DNAH8: variants seen among roughly 807,000 people sequenced by gnomAD.
DNAH8 encodes the protein dynein axonemal heavy chain 8.
In DNAH8, 382 loss-of-function variants were observed where a neutral mutation model predicts 562.1. The observed-to-expected ratio is 0.68, with a 90% confidence interval of 0.63 to 0.74. The LOEUF (loss-of-function observed/expected upper bound fraction) is 0.74. Ranked by LOEUF, DNAH8 falls within the 30% of genes least tolerant of loss-of-function variation. The pLI, the probability that DNAH8 is intolerant of heterozygous loss-of-function variation, is 0.00. For synonymous variants in DNAH8, 1,881 were observed against 1,919.4 expected, an observed-to-expected ratio of 0.98 and a Z score of 0.52; for missense variants, 5,203 against 5,620.4, an observed-to-expected ratio of 0.93 and a Z score of 2.37.
intron 8 of DNAH8, among the ~76,000 whole-genome samples, chr6:38,748,575 T>C (rs1765152545): frequency 1.3e-5 from 2 of 152,014 alleles, no homozygotes; most frequent in African/African-American, 2.4e-5. Context: ...CACTTGATTT[T>C]ATCATCCCTA....
At chr6:38,958,922 T>A (rs1455843629) in intron 82 of DNAH8, among the ~76,000 whole-genome samples, 1 of 152,044 alleles carries the variant, frequency 6.6e-6, no homozygotes, top group Non-Finnish European at 1.5e-5. Flanking sequence ...AATCAAACAG[T>A]GCTCCGAAAG....
chr6:38,907,560 G>T (rs1780573414), intron 63 of DNAH8, among the ~76,000 whole-genome samples: 1 of 152,070 alleles, frequency 6.6e-6, no homozygotes, highest in African/African-American at 2.4e-5. Flanking sequence ...GATTAGGCCT[G>T]CTGTGTTAAC....
intron 53 of DNAH8, among the ~76,000 whole-genome samples, chr6:38,878,354 T>C (rs1778187314): frequency 2.0e-5 from 3 of 152,190 alleles, no homozygotes; most frequent in Admixed American, 1.3e-4. Context: ...TACAGCACTT[T>C]ATGTCTTTAC....
chr6:38,963,711 T>C, intron 82 of DNAH8, among the ~76,000 whole-genome samples: 1 of 91,918 alleles, frequency 1.1e-5, no homozygotes, highest in Non-Finnish European at 2.1e-5. Flanking sequence ...TAAATTTATT[T>C]TTTTATTGAT....
chr6:38,835,062 T>G (rs1194434596), intron 32 of DNAH8, among the ~76,000 whole-genome samples: 1 of 152,208 alleles, frequency 6.6e-6, no homozygotes, highest in African/African-American at 2.4e-5. Flanking sequence ...CTCCTCTGCC[T>G]GTACAATACT....
intron 43 of DNAH8, among the ~76,000 whole-genome samples, chr6:38,860,980 A>T (rs1037539186): frequency 2.0e-5 from 3 of 152,124 alleles, no homozygotes; most frequent in African/African-American, 7.2e-5. Flanking sequence ...TTTTTTTCAG[A>T]TGTGGAAATT....
rs1481491362 is a variant in DNAH8, at chr6:38,883,335, C to A, written c.8015C>A (p.Thr2672Lys). 3.7e-6 allele frequency: 6 copies of A among 1,609,340 alleles called. No homozygotes were observed. The highest frequency in any genetic ancestry group is 4.2e-6 in the Non-Finnish European group (5 of 1,178,082). The change falls in exon 55 of 93, where the codon ACA becomes AAA. Residue 2672 changes from threonine to lysine, a missense_variant. Around this residue, in one of 6 missense-constraint regions of DNAH8, gnomAD observed 977 missense variants for 1,061.8 expected, o/e 0.92. Coordinates refer to ENST00000327475, the MANE Select transcript of DNAH8 (RefSeq NM_001206927.2). ...CTATGATTGCAGGCTGTTTTGCTCACAGGAGAGCAGGGAACTGCAAAAACT... is the reference window on the plus strand; with the variant it reads ...CTATGATTGCAGGCTGTTTTGCTCAAAGGAGAGCAGGGAACTGCAAAAACT... The part of the protein sequence containing the change: ...IAKQHKAVLL[T>K]GEQGTAKTVM...
intron 41 of DNAH8, among the ~76,000 whole-genome samples, chr6:38,856,610 C>A (rs1213832497): frequency 6.6e-6 from 1 of 152,142 alleles, no homozygotes; most frequent in East Asian, 1.9e-4. Flanking sequence ...TCCCATTGCT[C>A]ACTTCAGCCA....
intron 8 of DNAH8, among the ~76,000 whole-genome samples, chr6:38,747,231 G>A (rs1282304537): frequency 1.3e-5 from 2 of 152,144 alleles, no homozygotes; most frequent in Non-Finnish European, 2.9e-5. Context: ...ATATAGAACA[G>A]TGAGAGATTA....
intron 41 of DNAH8, among the ~76,000 whole-genome samples, chr6:38,855,728 C>T (rs1180533719): frequency 6.6e-6 from 1 of 152,038 alleles, no homozygotes; most frequent in African/African-American, 2.4e-5. Context: ...AACAAGGGTC[C>T]CCAACCACCC....
chr6:38,759,223 C>G (rs1052389025), intron 10 of DNAH8, among the ~76,000 whole-genome samples: 20 of 151,956 alleles, frequency 1.3e-4, no homozygotes, highest in African/African-American at 4.6e-4. Flanking sequence ...CAGGAGGATC[C>G]CTTGAGCCTG....
Position 38,921,379 on chromosome 6 carries a change from C to G in DNAH8, c.10535C>G (p.Ala3512Gly). 6.2e-7 allele frequency: 1 copy of G among 1,613,136 alleles called. No homozygotes were observed. Among genetic ancestry groups the G allele is most frequent in the Admixed American group, 1.7e-5 (1 of 59,876 alleles). The change falls in exon 71 of 93, where the codon GCC becomes GGC. Residue 3512 changes from alanine to glycine, a missense_variant. Around this residue, in one of 6 missense-constraint regions of DNAH8, gnomAD observed 1,399 missense variants for 1,518.4 expected, o/e 0.92. Coordinates refer to ENST00000327475, the MANE Select transcript of DNAH8 (RefSeq NM_001206927.2). Reference protein sequence around the residue: ...REVLPLKANLAKQEGRLAVAN... With the variant: ...REVLPLKANLGKQEGRLAVAN... ...TCTTCTTCTTTTCAGGCCAACCTGG[C>G]CAAGCAGGAAGGCCGGTTAGCAGTT...
intron 20 of DNAH8, 98 bp from the exon 21 acceptor site, chr6:38,791,457 G>A (rs946106337): frequency 7.3e-7 from 1 of 1,363,902 alleles, no homozygotes; most frequent in South Asian, 1.6e-5. Flanking sequence ...TCTAGACTTA[G>A]CCTTCTAAAT....
At chr6:39,008,751 A>G (rs1019042873) in intron 88 of DNAH8, 63 bp from the exon 89 acceptor site, 1 of 972,854 alleles carries the variant, frequency 1.0e-6, no homozygotes, top group Non-Finnish European at 1.5e-6. Context: ...TCATTTTAAC[A>G]CTTGACACTT....
At position 38,717,020 on chromosome 6, in the gene DNAH8, G is replaced by A. The variant is rs111668700; in HGVS notation, c.-35+1605G>A. Among the ~76,000 whole-genome samples the A allele has an allele frequency of 7.0e-3, 1,071 of 152,282 alleles. 11 individuals are homozygous for A. Among genetic ancestry groups the A allele is most frequent in the African/African-American group, 0.024 (1,011 of 41,554 alleles). On this transcript the variant is annotated intron_variant, in intron 1 of 92. Coordinates refer to ENST00000327475, the MANE Select transcript of DNAH8 (RefSeq NM_001206927.2). ...GCATCCAGCCTGGGCAGCATAGTGA[G>A]ATCCCATCTCTACAGAAAAACCAAA... is the stretch of plus-strand genomic sequence containing the variant.
In DNAH8 at chr6:38,894,700, G is replaced by A; in HGVS notation, c.8584-1G>A. The A allele has an allele frequency of 6.2e-7, 1 of 1,611,386 alleles. No individual in the cohort carries two copies. The highest frequency in any genetic ancestry group is 8.5e-7 in the Non-Finnish European group (1 of 1,178,398). On this transcript the variant is annotated splice_acceptor_variant, in intron 58 of 92. Transcript: ENST00000327475. LOFTEE classifies it high-confidence loss of function. ...AGAGTATTACATTTTTTCATCTCTA[G>A]GTGAAGATGCTGCCAACTCCTTCTA...
intron 24 of DNAH8, among the ~76,000 whole-genome samples, chr6:38,812,209 C>T (rs932953780): frequency 6.6e-6 from 1 of 152,134 alleles, no homozygotes; most frequent in African/African-American, 2.4e-5. Context: ...CTCTTTCCAG[C>T]CCGGAACCCT....
At position 38,737,874 on chromosome 6, in the gene DNAH8, C is replaced by G. The variant is rs773448341; in HGVS notation, c.1018C>G (p.Leu340Val). 1 of 1,594,530 alleles carries G rather than the reference C, an allele frequency of 6.3e-7. No homozygotes were observed. Among genetic ancestry groups the G allele is most frequent in the East Asian group, 2.3e-5 (1 of 42,700 alleles). ...AATAGACAATGTTAATTTTTCCAAACTGCACACCTTTGAAGAAGTAACTGC... is the reference window on the plus strand; with the variant it reads ...AATAGACAATGTTAATTTTTCCAAAGTGCACACCTTTGAAGAAGTAACTGC... ...KTIDNVNFSK[L>V]HTFEEVTAAA... Residue 340 changes from leucine (L) to valine (V), a missense_variant, in exon 7 of 93, where the codon CTG (leucine) becomes GTG (valine). This residue lies in a region of DNAH8 where 556 missense variants were observed against 496.9 expected (regional missense o/e 1.12). Coordinates refer to ENST00000327475, the MANE Select transcript of DNAH8 (RefSeq NM_001206927.2).
intron 9 of DNAH8, among the ~76,000 whole-genome samples, chr6:38,752,182 G>A (rs1259102034): frequency 1.4e-5 from 2 of 140,748 alleles, no homozygotes; most frequent in Non-Finnish European, 3.1e-5. Context: ...CCACCACCCC[G>A]GGATGGAGTC....
Sources: gnomAD v4.1 joint callset for allele counts (sites outside exome capture counted in the v4.1 genomes callset) on GRCh38, gnomAD v4.1.1 for gene constraint, gnomAD v4.1.1 regional missense constraint, MANE v1.5 for transcripts, NCBI Gene and HGNC (gene_info 2026-07-23, HGNC 2026-07-21) for gene names.